SPAG17: variants seen among roughly 807,000 people sequenced by gnomAD.
SPAG17 encodes the protein sperm-associated antigen 17.
In SPAG17, 169 loss-of-function variants were observed where a neutral mutation model predicts 273.6. The observed-to-expected ratio is 0.62, with a 90% CI of 0.55 to 0.70. SPAG17 has a LOEUF of 0.70. Ranked by LOEUF, SPAG17 falls within the 30% of genes least tolerant of loss-of-function variation. SPAG17 has a pLI of 0.00. For synonymous variants in SPAG17, 825 were observed against 873.2 expected (o/e 0.94, Z 0.97); for missense variants, 2,557 against 2,627.8 (o/e 0.97, Z 0.59).
intron 29 of SPAG17, among the ~76,000 whole-genome samples, chr1:118,015,390 C>T (rs1571243303): frequency 6.6e-6 from 1 of 151,456 alleles, no homozygotes; most frequent in Admixed American, 6.6e-5. Context: ...GTCATGTATT[C>T]TTATGCTACA....
chr1:118,081,656 G>T lies in SPAG17; in HGVS notation c.1763-14C>A. ...AGCTCAAGACATCTGTAAGAAAGCA[G>T]AACCAGTGCTGCTGGAAATGTTCTT... On this transcript the variant is annotated splice_polypyrimidine_tract_variant and intron_variant, in intron 13 of 48. Coordinates refer to ENST00000336338, the MANE Select transcript of SPAG17 (RefSeq NM_206996.4). 6.2e-7 allele frequency: 1 copy of T among 1,605,060 alleles called. No individual in the cohort carries two copies. Among genetic ancestry groups the T allele is most frequent in the Non-Finnish European group, 8.5e-7 (1 of 1,172,122 alleles).
chr1:118,162,909 A>G lies in SPAG17; in HGVS notation c.88-11540T>C, dbSNP rs186658919. ...CAACATAAGTACTCACACAGTAAAT[A>G]TTAACTATTAGTGAAATCATACAAT... On this transcript the variant is annotated intron_variant, in intron 1 of 48. Transcript: ENST00000336338. Among the ~76,000 whole-genome samples the G allele has an allele frequency of 3.3e-5, 5 of 152,314 alleles. No homozygotes were observed. The East Asian group carries it at 9.7e-4, about 29-fold the overall frequency.
At chr1:118,130,227 A>T (rs1446204068) in intron 3 of SPAG17, among the ~76,000 whole-genome samples, 2 of 152,148 alleles carry the variant, frequency 1.3e-5, no homozygotes, top group African/African-American at 2.4e-5. Flanking sequence ...AGTTTCCCAT[A>T]GGACAGTTTT....
At chr1:118,023,501 CAA>C (rs1220636526) in intron 27 of SPAG17, 38 bp from the exon 28 acceptor site, 1 of 1,587,772 alleles carries the variant, frequency 6.3e-7, no homozygotes, top group East Asian at 2.3e-5. Flanking sequence ...TTCTCAGAAG[CAA>C]GAGAGAGGTT....
At chr1:118,145,316 A>G (rs533968408) in intron 3 of SPAG17, among the ~76,000 whole-genome samples, 98 of 152,352 alleles carry the variant, frequency 6.4e-4, no homozygotes, top group African/African-American at 2.3e-3. Flanking sequence ...GGAATCTGAA[A>G]AAGAGTGGCA....
At position 118,081,501 on chromosome 1, in the gene SPAG17, G is replaced by C; in HGVS notation, c.1904C>G (p.Pro635Arg). 1.2e-6 allele frequency: 2 copies of C among 1,613,644 alleles called. No individual in the cohort carries two copies. The highest frequency in any genetic ancestry group is 8.5e-7 in the Non-Finnish European group (1 of 1,179,964). Residue 635 changes from proline (P) to arginine (R), a missense_variant, in exon 14 of 49, where the codon CCG (proline) becomes CGG (arginine). By Grantham distance (103) the Pro-to-Arg change is moderately radical. Transcript: ENST00000336338. ...AGCAAATCTGGCAGGGTTGTCCCAC[G>C]GTATGTTGAACATTTCAGAATCTGA... Reference protein sequence around the residue: ...CGSDSEMFNIPWDNPARFAKQ... With the variant: ...CGSDSEMFNIRWDNPARFAKQ...
chr1:118,112,498 C>CT (rs1246113664), intron 4 of SPAG17, among the ~76,000 whole-genome samples: 2 of 151,896 alleles, frequency 1.3e-5, no homozygotes, highest in African/African-American at 4.8e-5. Context: ...AAACAAAACA[C>CT]TTTAAGTTTT....
intron 35 of SPAG17, 114 bp from the exon 36 acceptor site, chr1:117,992,762 CAGT>C (rs1382991965): frequency 1.1e-6 from 1 of 926,982 alleles, no homozygotes. Context: ...TTTAGGGACA[CAGT>C]GGTGAAAAAA....
intron 1 of SPAG17, among the ~76,000 whole-genome samples, chr1:118,169,953 G>A (rs1660342942): frequency 6.6e-6 from 1 of 152,156 alleles, no homozygotes; most frequent in Non-Finnish European, 1.5e-5. Context: ...TAAACTAAAT[G>A]TTCTAAAGAA....
chr1:118,154,793 T>C (rs530233212), intron 1 of SPAG17, among the ~76,000 whole-genome samples: 1 of 152,228 alleles, frequency 6.6e-6, no homozygotes, highest in South Asian at 2.1e-4. Flanking sequence ...GAAAGTATAA[T>C]GTGTGCAACC....
At chr1:118,127,457 G>A (rs747489160) in intron 3 of SPAG17, among the ~76,000 whole-genome samples, 52 of 152,106 alleles carry the variant, frequency 3.4e-4, no homozygotes, top group African/African-American at 1.2e-3. Context: ...TAAACCACCC[G>A]ATCTCATGTG....
Position 118,125,808 on chromosome 1 carries a change from A to G in SPAG17, c.316-10367T>C, listed in dbSNP as rs561110343. 2.8e-4 allele frequency among the ~76,000 whole-genome samples: 42 copies of G among 152,350 alleles called. No individual in the cohort carries two copies. In the South Asian group the frequency reaches 7.7e-3, roughly 28 times the overall value. ...CACAGATTGATTCCATATCTTGGCT[A>G]CTGTGAATAGTGCTGCAGTAAACAG... On this transcript the variant is annotated intron_variant, in intron 3 of 48. Coordinates refer to ENST00000336338, the MANE Select transcript of SPAG17 (RefSeq NM_206996.4).
Position 117,984,726 on chromosome 1 carries a change from G to A in SPAG17, c.5726C>T (p.Pro1909Leu), listed in dbSNP as rs766934468. Residue 1909 changes from proline to leucine, a missense_variant, in exon 41 of 49, where the codon CCA (proline) becomes CTA (leucine). Transcript: ENST00000336338. ...YLMDIKNRII[P>L]PFFKSELNQL... ...GTTCAATTCAGATTTAAAAAAGGGT[G>A]GTATTATGCGGTTCTTAATATCCAT... The A allele has an allele frequency of 7.5e-6, 12 of 1,610,698 alleles. No homozygotes were observed. Among genetic ancestry groups the A allele is most frequent in the Non-Finnish European group, 9.3e-6 (11 of 1,177,744 alleles).
chr1:118,134,350 C>T (rs1200602484), intron 3 of SPAG17, among the ~76,000 whole-genome samples: 1 of 152,018 alleles, frequency 6.6e-6, no homozygotes, highest in Non-Finnish European at 1.5e-5. Context: ...AATATAATTC[C>T]TATTTTATAA....
intron 24 of SPAG17, among the ~76,000 whole-genome samples, chr1:118,035,634 A>G (rs1262794212): frequency 6.6e-6 from 1 of 152,196 alleles, no homozygotes; most frequent in Admixed American, 6.5e-5. Context: ...ATAATCATCC[A>G]TTGAAAATTT....
At chr1:118,077,262 C>T (rs2102126835) in intron 15 of SPAG17, among the ~76,000 whole-genome samples, 1 of 152,232 alleles carries the variant, frequency 6.6e-6, no homozygotes, top group African/African-American at 2.4e-5. Context: ...TACAATGTGA[C>T]ACCAAGCCCA....
intron 22 of SPAG17, among the ~76,000 whole-genome samples, chr1:118,039,853 A>C (rs1649534302): frequency 6.6e-6 from 1 of 152,184 alleles, no homozygotes; most frequent in South Asian, 2.1e-4. Flanking sequence ...CCTCTATAAA[A>C]GAATGCCTAA....
chr1:118,007,237 A>G (rs1658991706), intron 31 of SPAG17, among the ~76,000 whole-genome samples: 1 of 152,100 alleles, frequency 6.6e-6, no homozygotes, highest in Non-Finnish European at 1.5e-5. Flanking sequence ...AATAATCTAC[A>G]CTGGATGAAG....
chr1:118,127,700 C>T (rs928400538), intron 3 of SPAG17, among the ~76,000 whole-genome samples: 6 of 152,206 alleles, frequency 3.9e-5, no homozygotes, highest in African/African-American at 1.4e-4. Flanking sequence ...GTAGTATGGT[C>T]ATTTTGACAA....
Sources: gnomAD v4.1 joint callset for allele counts (sites outside exome capture counted in the v4.1 genomes callset) on GRCh38, gnomAD v4.1.1 for gene constraint, MANE v1.5 for transcripts, NCBI Gene and HGNC (gene_info 2026-07-23, HGNC 2026-07-21) for gene names.